The following IFNLR1 variants were observed in gnomAD, a reference collection of about 807,000 sequenced individuals.
IFNLR1 encodes the protein CRF2-12.
In IFNLR1, 28 loss-of-function variants were observed where a neutral mutation model predicts 52.5. The observed-to-expected ratio is 0.53, with a 90% CI of 0.40 to 0.73. The LOEUF is 0.73. IFNLR1 is among the 30% of genes least tolerant of loss of function. The probability of loss-of-function intolerance (pLI) is 0.00; values close to 1 mark genes in which losing one functional copy is unlikely to be tolerated. For missense variants in IFNLR1, 623 were observed against 659.1 expected (o/e 0.95, Z 0.60); for synonymous variants, 276 against 274.9 (o/e 1.00, Z -0.04).
At chr1:24,182,945 A>G (rs4649201) in intron 1 of IFNLR1, among the ~76,000 whole-genome samples, 124,227 of 148,656 alleles carry the variant, frequency 0.84, 53,180 homozygotes, top group South Asian at 0.88. Flanking sequence ...AAATAAATAA[A>G]TAAGTAAACA....
chr1:24,185,445 G>A (rs1644728124), intron 1 of IFNLR1, among the ~76,000 whole-genome samples: 1 of 152,192 alleles, frequency 6.6e-6, no homozygotes, highest in African/African-American at 2.4e-5. Context: ...AGAATTCAGG[G>A]TCCTGAAGTG....
At chr1:24,180,987 C>T in intron 1 of IFNLR1, 133 bp from the exon 2 acceptor site, 2 of 889,998 alleles carry the variant, frequency 2.2e-6, no homozygotes, top group Non-Finnish European at 3.3e-6. Flanking sequence ...CACTGACTGG[C>T]TGTACTGCAG....
At chr1:24,163,965 CA>C (rs1210524156) in intron 3 of IFNLR1, among the ~76,000 whole-genome samples, 1 of 152,106 alleles carries the variant, frequency 6.6e-6, no homozygotes, top group African/African-American at 2.4e-5. Context: ...CTCAAATTCC[CA>C]AATCAACAGT....
chr1:24,169,579 G>T lies in IFNLR1; in HGVS notation c.205C>A (p.Arg69Ser). ...GTTCCCGCACACTCTTCCACTTCGC[G>T]CCACCGTCTACGGGTGGGAGAGCTG... is the stretch of plus-strand genomic sequence containing the variant. ...YQSSPTRRRW[R>S]EVEECAGTKE... Residue 69 changes from arginine (R) to serine (S), a missense_variant, in exon 3 of 7, where the codon CGC (arginine) becomes AGC (serine). Arg to Ser is a moderately radical substitution (Grantham distance 110). Transcript: ENST00000327535. 1 of 1,613,790 alleles carries T rather than the reference G, an allele frequency of 6.2e-7. No homozygotes were observed. The highest frequency in any genetic ancestry group is 8.5e-7 in the Non-Finnish European group (1 of 1,179,814).
intron 1 of IFNLR1, 134 bp from the exon 2 acceptor site, chr1:24,180,988 T>C (rs1644685057): frequency 1.1e-6 from 1 of 879,198 alleles, no homozygotes; most frequent in Non-Finnish European, 1.7e-6. Flanking sequence ...ACTGACTGGC[T>C]GTACTGCAGC....
In IFNLR1 at chr1:24,161,306, G is replaced by T. The variant is rs1220124603; in HGVS notation, c.510+236C>A. ...GGGTACTTTTGGTCTGCTTCTTAGA[G>T]CTTATCTGTATTTTTCAGTTTTTCT... On this transcript the variant is annotated intron_variant, in intron 4 of 6. Coordinates refer to ENST00000327535, the MANE Select transcript of IFNLR1 (RefSeq NM_170743.4). 1.5e-5 allele frequency: 9 copies of T among 603,544 alleles called. No individual in the cohort carries two copies. In the Admixed American group the frequency reaches 2.5e-4, roughly 17 times the overall value. 37.4% of individuals were successfully genotyped at this position (603,544 alleles called of 1,614,324 possible). A position where few individuals can be genotyped will look rare whatever the true frequency, so the allele number is the denominator to read the frequency against.
At chr1:24,161,446 G>A (rs772686910) in intron 4 of IFNLR1, 96 bp downstream of exon 4, 2 of 1,380,780 alleles carry the variant, frequency 1.4e-6, no homozygotes, top group South Asian at 1.3e-5. Context: ...CTTCCTGGAG[G>A]AGGGGTGCAG....
At position 24,158,923 on chromosome 1, in the gene IFNLR1, C is replaced by A. The variant is rs1644409694; in HGVS notation, c.801+129G>T. On this transcript the variant is annotated intron_variant, in intron 6 of 6. Transcript: ENST00000327535. ...ATTACTAATGGTGGAAATTCAGACA[C>A]AAAGATAGATGTTTTGGTCCAAGAG... 10 of 989,626 alleles carry A rather than the reference C, an allele frequency of 1.0e-5. No homozygotes were observed. The South Asian group carries it at 1.6e-4, about 16-fold the overall frequency. 61.3% of individuals were successfully genotyped at this position (989,626 alleles called of 1,614,324 possible).
chr1:24,159,378 C>T (rs1304737223), intron 5 of IFNLR1, 96 bp downstream of exon 5: 7 of 1,313,328 alleles, frequency 5.3e-6, no homozygotes, highest in East Asian at 4.6e-5. Context: ...TTAATCCAGG[C>T]GAGTCTATCT....
rs146145657 is a variant in IFNLR1 at position 24,185,033 on chromosome 1, A to AAATAAT, written c.58+2152_58+2157dup. 6.1e-3 allele frequency among the ~76,000 whole-genome samples: 926 copies of AAATAAT among 151,940 alleles called. 39 individuals carry two copies. The East Asian group carries it at 0.12, about 20-fold the overall frequency. ...GACTCTGTCTCAAAATAAATAAATA[A>AAATAAT]AATAATAATAATAATAATAGCAGCT... On this transcript the variant is annotated intron_variant, in intron 1 of 6. Transcript: ENST00000327535.
chr1:24,164,445 G>A (rs1018307667), intron 3 of IFNLR1, among the ~76,000 whole-genome samples: 4 of 152,114 alleles, frequency 2.6e-5, no homozygotes, highest in Admixed American at 6.5e-5. Flanking sequence ...GGATGTAAAC[G>A]TCTCAGGAAC....
chr1:24,180,095 G>A (rs948005071), intron 2 of IFNLR1, among the ~76,000 whole-genome samples: 6 of 152,126 alleles, frequency 3.9e-5, no homozygotes, highest in African/African-American at 7.2e-5. Flanking sequence ...TCAGGAGTTC[G>A]AGACCAGCGT....
intron 1 of IFNLR1, among the ~76,000 whole-genome samples, chr1:24,182,845 G>A (rs377203139): frequency 6.6e-5 from 10 of 152,074 alleles, no homozygotes; most frequent in East Asian, 1.9e-4. Context: ...GCTTGAATCC[G>A]GGAGGTGGAG....
chr1:24,174,095 G>T (rs940909039), intron 2 of IFNLR1, among the ~76,000 whole-genome samples: 2 of 147,376 alleles, frequency 1.4e-5, no homozygotes, highest in African/African-American at 5.4e-5. Flanking sequence ...AATCCAGTAG[G>T]ACTGGTGTAC....
At chr1:24,176,054 A>C (rs985825015) in intron 2 of IFNLR1, among the ~76,000 whole-genome samples, 5 of 152,222 alleles carry the variant, frequency 3.3e-5, no homozygotes, top group African/African-American at 1.2e-4. Flanking sequence ...CTAGCAAATG[A>C]ATACCTGCCC....
At position 24,169,518 on chromosome 1, in the gene IFNLR1, T is replaced by C. The variant is rs1644556450; in HGVS notation, c.266A>G (p.Lys89Arg). 1 of 1,614,068 alleles carries C rather than the reference T, an allele frequency of 6.2e-7. No individual in the cohort carries two copies. The highest frequency in any genetic ancestry group is 1.7e-5 in the Admixed American group (1 of 60,000). ...CTTGAACTTGTTGTACAGGTCCTGT[T>C]TCTTCAGGCACATCATAGAACATAG... Reference protein sequence around the residue: ...ELLCSMMCLKKQDLYNKFKGR... With the variant: ...ELLCSMMCLKRQDLYNKFKGR... The change falls in exon 3 of 7, where the codon AAA (lysine) becomes AGA (arginine). Residue 89 changes from lysine (K) to arginine (R), a missense_variant. Coordinates refer to ENST00000327535, the MANE Select transcript of IFNLR1 (RefSeq NM_170743.4).
rs1225490607 is a variant in IFNLR1 at position 24,162,712 on chromosome 1, TTTC to T, written c.368-1031_368-1029del. ...CAGAACTCACTTTTCTTTTCTTTTC[TTTC>T]TTTCTTTCTTTTCTTTCTTTCTTTC... On this transcript the variant is annotated intron_variant, in intron 3 of 6. Coordinates refer to ENST00000327535, the MANE Select transcript of IFNLR1 (RefSeq NM_170743.4). Among the ~76,000 whole-genome samples the T allele has an allele frequency of 2.3e-3, 126 of 53,774 alleles. 7 individuals carry two copies. Among genetic ancestry groups the T allele is most frequent in the Middle Eastern group, 9.4e-3 (1 of 106 alleles). 35.3% of individuals were successfully genotyped at this position (53,774 alleles called of 152,430 possible). A position where few individuals can be genotyped will look rare whatever the true frequency, so the allele number is the denominator to read the frequency against.
intron 4 of IFNLR1, 182 bp downstream of exon 4, chr1:24,161,360 G>T: frequency 1.5e-6 from 1 of 662,458 alleles, no homozygotes; most frequent in Non-Finnish European, 2.6e-6. Flanking sequence ...TGGCAAGCAG[G>T]CCTCCTGTAG....
At position 24,154,321 on chromosome 1, in the gene IFNLR1, ACATGTTG is replaced by A. The variant is rs1644357822; in HGVS notation, c.*2802_*2808del. On this transcript the variant is annotated 3_prime_UTR_variant, in exon 7 of 7. Coordinates refer to ENST00000327535, the MANE Select transcript of IFNLR1 (RefSeq NM_170743.4). ...TATACCGTTAGTAGTCTAAAGGGAT[ACATGTTG>A]CTTTCACCTAAGGCACTAACACTTT... 6.6e-6 allele frequency: 1 copy of A among 152,270 alleles called. No individual in the cohort carries two copies. Among genetic ancestry groups the A allele is most frequent in the Non-Finnish European group, 1.5e-5 (1 of 68,054 alleles). 9.4% of individuals were successfully genotyped at this position (152,270 alleles called of 1,614,324 possible).
Sources: gnomAD v4.1 joint callset for allele counts (sites outside exome capture counted in the v4.1 genomes callset) on GRCh38, gnomAD v4.1.1 for gene constraint, MANE v1.5 for transcripts, NCBI Gene and HGNC (gene_info 2026-07-23, HGNC 2026-07-21) for gene names.